Variants in CACNA1A observed in about 807,000 individuals in gnomAD.
The protein encoded by CACNA1A is calcium voltage-gated channel subunit alpha1 A.
A neutral mutation model predicts 262.4 loss-of-function variants in CACNA1A; 57 were observed. That is an observed-to-expected ratio of 0.22 (90% CI 0.18 to 0.27). The LOEUF (loss-of-function observed/expected upper bound fraction) is 0.27, where lower values mean the gene tolerates loss of function less well. Among genes scored for constraint, CACNA1A ranks in the 10% least tolerant of loss-of-function variants. CACNA1A has a pLI of 1.00. For missense variants in CACNA1A, 2,526 were observed against 3,562.8 expected (o/e 0.71, Z 7.41); for synonymous variants, 1,431 against 1,419.3 (o/e 1.01, Z -0.18).
chr19:13,231,177 A>ATTT (rs71168692), intron 35 of CACNA1A, among the ~76,000 whole-genome samples: 4 of 139,180 alleles, frequency 2.9e-5, no homozygotes, highest in Admixed American at 7.1e-5. Flanking sequence ...AGCTAATTCA[A>ATTT]TTTTTTTTTT....
At chr19:13,418,332 A>G (rs1403380462) in intron 3 of CACNA1A, among the ~76,000 whole-genome samples, 1 of 152,144 alleles carries the variant, frequency 6.6e-6, no homozygotes, top group Non-Finnish European at 1.5e-5. Context: ...TGGTGTGTGT[A>G]CGTGGGAGGC....
chr19:13,478,375 G>A (rs779670036), intron 1 of CACNA1A, among the ~76,000 whole-genome samples: 1 of 152,148 alleles, frequency 6.6e-6, no homozygotes, highest in Non-Finnish European at 1.5e-5. Context: ...AGCCTGGAGT[G>A]CAGGACGCGA....
intron 1 of CACNA1A, among the ~76,000 whole-genome samples, chr19:13,459,000 C>CA (rs2061066917): frequency 6.6e-6 from 1 of 152,130 alleles, no homozygotes; most frequent in African/African-American, 2.4e-5. Flanking sequence ...GGCACTGCAG[C>CA]ATGTTCAACA....
At chr19:13,469,445 T>A (rs1389995827) in intron 1 of CACNA1A, among the ~76,000 whole-genome samples, 1 of 148,766 alleles carries the variant, frequency 6.7e-6, no homozygotes, top group Non-Finnish European at 1.5e-5. Flanking sequence ...CCAGCATCCT[T>A]GTCTTGAACC....
chr19:13,320,257 AG>A (rs2058224695), intron 10 of CACNA1A, among the ~76,000 whole-genome samples: 1 of 151,692 alleles, frequency 6.6e-6, no homozygotes, highest in Non-Finnish European at 1.5e-5. Context: ...AGAGAGAGAG[AG>A]AGAGAGAGAG....
At chr19:13,463,706 C>T (rs1419305275) in intron 1 of CACNA1A, among the ~76,000 whole-genome samples, 1 of 152,174 alleles carries the variant, frequency 6.6e-6, no homozygotes, top group Non-Finnish European at 1.5e-5. Context: ...AAATTAAAAA[C>T]AGTATCAAAT....
At chr19:13,406,381 G>T (rs1348575655) in intron 3 of CACNA1A, among the ~76,000 whole-genome samples, 1 of 148,264 alleles carries the variant, frequency 6.7e-6, no homozygotes, top group Non-Finnish European at 1.5e-5. Flanking sequence ...CTTGAACCTG[G>T]GAGGTGGAGG....
intron 3 of CACNA1A, among the ~76,000 whole-genome samples, chr19:13,401,973 G>A (rs570761731): frequency 2.8e-4 from 42 of 152,238 alleles, no homozygotes; most frequent in Non-Finnish European, 5.3e-4. Flanking sequence ...CACCACATCC[G>A]GCCACCAGTT....
intron 1 of CACNA1A, among the ~76,000 whole-genome samples, chr19:13,457,185 G>A (rs865870068): frequency 6.6e-6 from 1 of 152,074 alleles, no homozygotes; most frequent in Non-Finnish European, 1.5e-5. Context: ...CCAGGAGGTT[G>A]AGGCTGCAGT....
chr19:13,275,672 T>G lies in CACNA1A; in HGVS notation c.3989+178A>C, dbSNP rs959943360. ...GGGGTCCCTTCTCCTTCTTCCTCCA[T>G]GGACATCATGCAAAAAGCCATCGAA... On this transcript the variant is annotated intron_variant, in intron 24 of 46. Transcript: ENST00000360228. 17 of 630,236 alleles carry G rather than the reference T, an allele frequency of 2.7e-5. 1 individual carries two copies. Among genetic ancestry groups the G allele is most frequent in the South Asian group, 2.7e-4 (15 of 56,354 alleles). The allele number at this position is 630,236 out of a possible 1,614,324, so 39.0% of individuals were successfully genotyped here. A position where few individuals can be genotyped will look rare whatever the true frequency, so the allele number is the denominator to read the frequency against.
intron 24 of CACNA1A, chr19:13,272,446 T>A (rs928146291): frequency 2.0e-5 from 3 of 152,380 alleles, no homozygotes; most frequent in Non-Finnish European, 4.4e-5. Context: ...TTTGTCTGAA[T>A]ACCATTCCTC....
intron 1 of CACNA1A, among the ~76,000 whole-genome samples, chr19:13,461,380 C>A (rs936365998): frequency 2.7e-5 from 4 of 150,632 alleles, no homozygotes; most frequent in African/African-American, 9.9e-5. Context: ...CAAAACAAAA[C>A]AAAAATCACC....
At chr19:13,242,528 TCAAGTGATC>T (rs937052259) in intron 31 of CACNA1A, among the ~76,000 whole-genome samples, 2 of 152,206 alleles carry the variant, frequency 1.3e-5, no homozygotes, top group Non-Finnish European at 2.9e-5. Flanking sequence ...ACTCCTGACC[TCAAGTGATC>T]CACCTGCCTT....
Position 13,503,649 on chromosome 19 carries a change from C to T in CACNA1A, c.293+2283G>A, listed in dbSNP as rs562263249. ...CCAACCCTCCCACCCACCCCGCCAC[C>T]GCCCTCCGCTCCATCCAGGACAGAG... On this transcript the variant is annotated intron_variant, in intron 1 of 46. Transcript: ENST00000360228. Among the ~76,000 whole-genome samples the T allele has an allele frequency of 5.7e-4, 85 of 149,282 alleles. 1 individual carries two copies. Among genetic ancestry groups the T allele is most frequent in the Non-Finnish European group, 8.5e-4 (57 of 67,214 alleles).
At chr19:13,424,608 G>A (rs1425774915) in intron 3 of CACNA1A, among the ~76,000 whole-genome samples, 2 of 151,954 alleles carry the variant, frequency 1.3e-5, no homozygotes, top group East Asian at 3.9e-4. Context: ...TAGGACTAGA[G>A]GTATGCCTGC....
intron 1 of CACNA1A, among the ~76,000 whole-genome samples, chr19:13,465,728 A>G (rs2061222824): frequency 6.6e-6 from 1 of 152,076 alleles, no homozygotes; most frequent in South Asian, 2.1e-4. Flanking sequence ...GGCTCAAGCG[A>G]TCCGCCCACC....
intron 3 of CACNA1A, among the ~76,000 whole-genome samples, chr19:13,420,527 T>C (rs1599416086): frequency 6.6e-6 from 1 of 151,922 alleles, no homozygotes; most frequent in South Asian, 2.1e-4. Context: ...CAAATGAAGA[T>C]GGAGGCAGAG....
chr19:13,374,797 G>T (rs867786163), intron 3 of CACNA1A, among the ~76,000 whole-genome samples: 14 of 152,116 alleles, frequency 9.2e-5, no homozygotes, highest in Middle Eastern at 3.2e-3. Flanking sequence ...ATCTCTGTGT[G>T]GGGGAGACTG....
In CACNA1A at chr19:13,413,895, AAAAGAAAGAAAG is replaced by A. The variant is rs57341945; in HGVS notation, c.539+38969_539+38980del. Among the ~76,000 whole-genome samples, 497 of 119,216 alleles carry A rather than the reference AAAAGAAAGAAAG, an allele frequency of 4.2e-3. 15 individuals carry two copies. Among genetic ancestry groups the A allele is most frequent in the East Asian group, 0.016 (59 of 3,782 alleles). The allele number at this position is 119,216 out of a possible 152,430, so 78.2% of individuals were successfully genotyped here. On this transcript the variant is annotated intron_variant, in intron 3 of 46. Transcript: ENST00000360228. ...GACTCTGTCAAGAAAGAAAGAAAGA[AAAAGAAAGAAAG>A]AAAGAAAGAAAGAAAGAAAGAAAGA...
Sources: allele counts gnomAD v4.1 joint callset (sites outside exome capture counted in the v4.1 genomes callset), GRCh38; gene constraint gnomAD v4.1.1; transcripts MANE v1.5; gene names NCBI Gene and HGNC (gene_info 2026-07-23, HGNC 2026-07-21).